STIM2: variants seen among roughly 807,000 people sequenced by gnomAD.
STIM2 encodes the protein stromal interaction molecule 2.
STIM2 carries 31 observed loss-of-function variants against 85.8 expected under a neutral mutation model. The observed-to-expected ratio is 0.36, with a 90% CI of 0.27 to 0.49. The LOEUF (loss-of-function observed/expected upper bound fraction) is 0.49. Ranked by LOEUF, STIM2 falls within the 20% of genes least tolerant of loss-of-function variation. The pLI is 0.98. For missense variants in STIM2, 841 were observed against 927.6 expected, an observed-to-expected ratio of 0.91 and a Z score of 1.21; for synonymous variants, 356 against 331.1, an observed-to-expected ratio of 1.08 and a Z score of -0.82.
At chr4:26,885,832 T>C (rs201577469) in intron 1 of STIM2, among the ~76,000 whole-genome samples, 1 of 23,552 alleles carries the variant, frequency 4.2e-5, no homozygotes. Flanking sequence ...TATATATATA[T>C]ATATATATAT....
chr4:26,994,572 A>G lies in STIM2; in HGVS notation c.398-807A>G, dbSNP rs74630075. On this transcript the variant is annotated intron_variant, in intron 3 of 11. Transcript: ENST00000467087. ...TTTTTAGTCTTATCATGAACAATCT[A>G]TTCTCCACATTGAAGAACAACATTC... Among the ~76,000 whole-genome samples the G allele has an allele frequency of 5.8e-4, 89 of 152,204 alleles. 1 individual carries two copies. The East Asian group carries it at 0.016, about 28-fold the overall frequency.
intron 1 of STIM2, among the ~76,000 whole-genome samples, chr4:26,915,886 T>C (rs1724559877): frequency 6.6e-6 from 1 of 152,228 alleles, no homozygotes; most frequent in African/African-American, 2.4e-5. Flanking sequence ...TTATAGGCAC[T>C]GCATATCGTG....
At chr4:26,878,048 A>C (rs1368355510) in intron 1 of STIM2, among the ~76,000 whole-genome samples, 1 of 152,166 alleles carries the variant, frequency 6.6e-6, no homozygotes, top group East Asian at 1.9e-4. Flanking sequence ...ATATAAATGG[A>C]TTGCTGTGCC....
intron 7 of STIM2, among the ~76,000 whole-genome samples, chr4:27,005,145 G>A (rs1156820792): frequency 1.3e-5 from 2 of 152,170 alleles, no homozygotes; most frequent in Admixed American, 1.3e-4. Flanking sequence ...CGTAGTTCAA[G>A]GAATTACTGT....
intron 1 of STIM2, among the ~76,000 whole-genome samples, chr4:26,915,058 C>T (rs1276612203): frequency 2.0e-5 from 3 of 152,076 alleles, no homozygotes; most frequent in Admixed American, 2.0e-4. Context: ...TACTTAGAAT[C>T]CCAGTTGTCA....
At chr4:27,009,946 T>C (rs113738920) in intron 10 of STIM2, among the ~76,000 whole-genome samples, 39 of 152,378 alleles carry the variant, frequency 2.6e-4, no homozygotes, top group African/African-American at 8.4e-4. Flanking sequence ...AAGTGCATTA[T>C]CTAGATTAAC....
Position 26,965,895 on chromosome 4 carries a change from A to G in STIM2, c.397+8169A>G, listed in dbSNP as rs1445656930. 2.0e-5 allele frequency among the ~76,000 whole-genome samples: 3 copies of G among 152,254 alleles called. No homozygotes were observed. In the South Asian group the frequency reaches 6.2e-4, roughly 32 times the overall value. On this transcript the variant is annotated intron_variant, in intron 3 of 11. Transcript: ENST00000467087. ...TCTCTGTCCTGTAGAAAACTTGACA[A>G]TTCTATTCTGTAGGAACACGTGAAA...
Position 27,022,665 on chromosome 4 carries a change from G to C in STIM2, c.1910G>C (p.Arg637Pro). The change falls in exon 12 of 12, where the codon CGA becomes CCA. Residue 637 changes from arginine to proline, a missense_variant. By Grantham distance (103) the Arg-to-Pro change is moderately radical (BLOSUM62 -2). This residue lies in a region of STIM2 where 293 missense variants were observed against 284.5 expected (regional missense o/e 1.03). Transcript: ENST00000467087. Reference sequence around the variant, plus strand: ...GAGGTGTCCCTAGAGGATTCCTCCCGAGGGGATTCGCCTGTAACTGTGGAT... The same window carrying C: ...GAGGTGTCCCTAGAGGATTCCTCCCCAGGGGATTCGCCTGTAACTGTGGAT... 5.6e-6 allele frequency: 9 copies of C among 1,614,178 alleles called. No homozygotes were observed. The highest frequency in any genetic ancestry group is 1.6e-4 in the Middle Eastern group (1 of 6,062).
chr4:26,996,247 A>G (rs1247453620), intron 4 of STIM2, among the ~76,000 whole-genome samples: 1 of 152,002 alleles, frequency 6.6e-6, no homozygotes, highest in Non-Finnish European at 1.5e-5. Flanking sequence ...AGAAATTATA[A>G]TTTTTAATTA....
chr4:26,923,484 T>A (rs1724889550), intron 2 of STIM2, among the ~76,000 whole-genome samples: 1 of 146,022 alleles, frequency 6.8e-6, no homozygotes, highest in Admixed American at 6.8e-5. Context: ...GCTGAGAGAT[T>A]TTGTCACCAC....
intron 3 of STIM2, among the ~76,000 whole-genome samples, chr4:26,987,665 C>A (rs547146489): frequency 2.6e-5 from 4 of 152,326 alleles, no homozygotes; most frequent in African/African-American, 9.6e-5. Flanking sequence ...GTAGGAATCA[C>A]CTCCATGATG....
At chr4:26,896,996 A>C (rs555353594) in intron 1 of STIM2, among the ~76,000 whole-genome samples, 2 of 152,352 alleles carry the variant, frequency 1.3e-5, no homozygotes, top group Admixed American at 6.5e-5. Context: ...TAATACTCTT[A>C]AGATCCATTC....
chr4:27,019,505 C>G, intron 11 of STIM2: 18 of 1,289,006 alleles, frequency 1.4e-5, no homozygotes, highest in Non-Finnish European at 1.8e-5. Flanking sequence ...AATAAAACTT[C>G]CTGCATTGAT....
At chr4:26,935,704 C>T (rs1308691949) in intron 2 of STIM2, among the ~76,000 whole-genome samples, 1 of 152,182 alleles carries the variant, frequency 6.6e-6, no homozygotes, top group East Asian at 1.9e-4. Context: ...ACTTTCAGGA[C>T]TCTGATAGTA....
At chr4:26,888,806 C>T (rs1184126153) in intron 1 of STIM2, among the ~76,000 whole-genome samples, 1 of 152,156 alleles carries the variant, frequency 6.6e-6, no homozygotes, top group East Asian at 1.9e-4. Context: ...AATCACAGAG[C>T]GTGAAAGTAA....
At chr4:26,876,814 T>A (rs1307471992) in intron 1 of STIM2, among the ~76,000 whole-genome samples, 2 of 152,168 alleles carry the variant, frequency 1.3e-5, no homozygotes, top group East Asian at 3.8e-4. Context: ...TTTTTCTGTT[T>A]TAGACTATTT....
intron 1 of STIM2, among the ~76,000 whole-genome samples, chr4:26,904,714 A>G (rs1474321124): frequency 6.6e-6 from 1 of 152,036 alleles, no homozygotes; most frequent in African/African-American, 2.4e-5. Context: ...TGCAAAGGGA[A>G]GAAAGAAATG....
intron 1 of STIM2, among the ~76,000 whole-genome samples, chr4:26,911,266 G>GAAATA (rs1005275953): frequency 6.6e-6 from 1 of 151,598 alleles, no homozygotes; most frequent in African/African-American, 2.4e-5. Flanking sequence ...AAAATGAAAT[G>GAAATA]AAATAAAATA....
At chr4:26,897,359 G>C (rs1723744862) in intron 1 of STIM2, among the ~76,000 whole-genome samples, 1 of 152,068 alleles carries the variant, frequency 6.6e-6, no homozygotes, top group Admixed American at 6.6e-5. Flanking sequence ...GTCATAATTT[G>C]AATTTCCCTA....
Sources: gnomAD v4.1 joint callset for allele counts (sites outside exome capture counted in the v4.1 genomes callset) on GRCh38, gnomAD v4.1.1 for gene constraint, gnomAD v4.1.1 regional missense constraint, MANE v1.5 for transcripts, NCBI Gene and HGNC (gene_info 2026-07-23, HGNC 2026-07-21) for gene names.